Variants in LBP observed in about 807,000 individuals in gnomAD.
LBP encodes lipopolysaccharide binding protein, also known as lipopolysaccharide-binding protein.
A neutral mutation model predicts 56.6 loss-of-function variants in LBP; 53 were observed. The observed-to-expected ratio is 0.94, with a 90% CI of 0.75 to 1.18. The LOEUF is 1.18. LBP is among the 50% of genes most tolerant of loss of function. The probability of loss-of-function intolerance (pLI) is 0.00; values close to 1 mark genes in which losing one functional copy is unlikely to be tolerated. For synonymous variants in LBP, 227 were observed against 247.5 expected (o/e 0.92, Z 0.78); for missense variants, 601 against 598.3 (o/e 1.00, Z -0.05).
chr20:38,362,246 G>T (rs1369037429), intron 6 of LBP, among the ~76,000 whole-genome samples: 2 of 149,458 alleles, frequency 1.3e-5, no homozygotes, highest in African/African-American at 2.5e-5. Flanking sequence ...ATTTTTAGTA[G>T]AGACGGGGTT....
intron 12 of LBP, among the ~76,000 whole-genome samples, 166 bp downstream of exon 12, chr20:38,371,488 A>G (rs1434155724): frequency 6.6e-6 from 1 of 152,252 alleles, no homozygotes; most frequent in Non-Finnish European, 1.5e-5. Flanking sequence ...GGGCCAAGGA[A>G]CAGTTATATC....
intron 5 of LBP, among the ~76,000 whole-genome samples, chr20:38,355,855 C>T (rs1382378936): frequency 6.6e-6 from 1 of 152,002 alleles, no homozygotes; most frequent in Non-Finnish European, 1.5e-5. Flanking sequence ...GGCAGCAACA[C>T]TGTCAGACTG....
At chr20:38,350,737 G>A (rs2076817508) in intron 2 of LBP, 74 bp from the exon 3 acceptor site, 3 of 1,522,118 alleles carry the variant, frequency 2.0e-6, no homozygotes, top group African/African-American at 2.7e-5. Context: ...CTGTGGAGAG[G>A]GGAGGCGCAA....
At position 38,349,659 on chromosome 20, in the gene LBP, A is replaced by C; in HGVS notation, c.236A>C (p.His79Pro). 6.3e-7 allele frequency: 1 copy of C among 1,596,952 alleles called. No homozygotes were observed. Among genetic ancestry groups the C allele is most frequent in the South Asian group, 1.1e-5 (1 of 88,612 alleles). The change falls in exon 2 of 15, where the codon CAC becomes CCC. Residue 79 changes from histidine (H) to proline (P), a missense_variant. Coordinates refer to ENST00000217407, the MANE Select transcript of LBP (RefSeq NM_004139.5). ...GTCGGCCGTGGGCGCTATGAGTTCC[A>C]CAGGTGGGGCTCTCCCTTCTGCTGC... The part of the protein sequence containing the change: ...PHVGRGRYEF[H>P]SLNIHSCELL...
intron 7 of LBP, 138 bp downstream of exon 7, chr20:38,364,204 G>A (rs2076872416): frequency 9.3e-6 from 6 of 645,872 alleles, no homozygotes; most frequent in Non-Finnish European, 1.1e-5. Flanking sequence ...CGGGTGATAT[G>A]GAGTGGTGGG....
chr20:38,364,676 C>T lies in LBP; in HGVS notation c.845C>T (p.Ser282Leu), dbSNP rs867224254. Reference protein sequence around the residue: ...EHNKMVYFAISDYVFNTASLV... With the variant: ...EHNKMVYFAILDYVFNTASLV... ...AACAAAATGGTCTACTTTGCCATCT[C>T]GGATTATGTCTTCAACACGGCCAGC... Residue 282 changes from serine to leucine, a missense_variant, in exon 8 of 15, where the codon TCG becomes TTG. Transcript: ENST00000217407. The T allele has an allele frequency of 3.1e-6, 5 of 1,614,150 alleles. No individual in the cohort carries two copies. The highest frequency in any genetic ancestry group is 1.1e-5 in the South Asian group (1 of 91,076).
Position 38,362,608 on chromosome 20 carries a change from G to C in LBP, c.653-1367G>C, listed in dbSNP as rs1490054592. On this transcript the variant is annotated intron_variant, in intron 6 of 14. Coordinates refer to ENST00000217407, the MANE Select transcript of LBP (RefSeq NM_004139.5). ...AGCCTGGGCAACAGAACAAGACTCT[G>C]TCTCAACAAAGAAAAAAAATAATAA... Among the ~76,000 whole-genome samples the C allele has an allele frequency of 2.1e-5, 3 of 145,298 alleles. No individual in the cohort carries two copies. In the East Asian group the frequency reaches 6.4e-4, roughly 31 times the overall value.
intron 12 of LBP, among the ~76,000 whole-genome samples, chr20:38,371,760 T>C (rs2076901691): frequency 6.6e-6 from 1 of 152,172 alleles, no homozygotes; most frequent in African/African-American, 2.4e-5. Flanking sequence ...TCAGGCAGGC[T>C]CTTCCAATTG....
intron 8 of LBP, among the ~76,000 whole-genome samples, chr20:38,366,226 CCTT>C (rs1241394172): frequency 2.6e-5 from 4 of 151,918 alleles, no homozygotes; most frequent in African/African-American, 9.7e-5. Context: ...GTCATTTTGT[CCTT>C]CTGATGGCCT....
At chr20:38,350,219 C>T (rs370493077) in intron 2 of LBP, among the ~76,000 whole-genome samples, 4 of 152,234 alleles carry the variant, frequency 2.6e-5, no homozygotes, top group African/African-American at 9.6e-5. Flanking sequence ...TCCCTGCTCA[C>T]TGCTGTTGGG....
At position 38,373,990 on chromosome 20, in the gene LBP, G is replaced by A. The variant is rs757338505; in HGVS notation, c.1378G>A (p.Asp460Asn). The A allele has an allele frequency of 3.7e-6, 6 of 1,613,922 alleles. No homozygotes were observed. The highest frequency in any genetic ancestry group is 4.5e-5 in the East Asian group (2 of 44,886). Residue 460 changes from aspartate (D) to asparagine (N), a missense_variant, in exon 14 of 15, where the codon GAC (aspartate) becomes AAC (asparagine). Transcript: ENST00000217407. ...TCTGCTGAAGCGTGTTCAGCTCTAC[G>A]ACCTTGGGCTGCAGATCCATAAGGT... is the stretch of plus-strand genomic sequence containing the variant. ...LPLLKRVQLY[D>N]LGLQIHKDFL... is the part of the protein sequence containing the mutation.
At chr20:38,366,524 C>A (rs1200642413) in intron 8 of LBP, among the ~76,000 whole-genome samples, 1 of 152,188 alleles carries the variant, frequency 6.6e-6, no homozygotes, top group African/African-American at 2.4e-5. Context: ...TGACCGCAAA[C>A]CTCACCCTCG....
intron 10 of LBP, among the ~76,000 whole-genome samples, chr20:38,369,923 G>A (rs2076895511): frequency 6.6e-6 from 1 of 152,108 alleles, no homozygotes; most frequent in Non-Finnish European, 1.5e-5. Context: ...TGGGGGCCTT[G>A]CTCCCTGGAT....
chr20:38,374,367 G>A (rs1339058086), intron 14 of LBP, among the ~76,000 whole-genome samples: 1 of 152,128 alleles, frequency 6.6e-6, no homozygotes, highest in Non-Finnish European at 1.5e-5. Flanking sequence ...GGGAGGCTGG[G>A]GCGGGCAGAT....
chr20:38,374,617 A>G (rs1323494406), intron 14 of LBP, among the ~76,000 whole-genome samples: 1 of 151,464 alleles, frequency 6.6e-6, no homozygotes, highest in Non-Finnish European at 1.5e-5. Context: ...AAGAAAGAAA[A>G]AAAAAAGAAA....
At chr20:38,366,485 C>T (rs1481368939) in intron 8 of LBP, among the ~76,000 whole-genome samples, 1 of 152,162 alleles carries the variant, frequency 6.6e-6, no homozygotes, top group African/African-American at 2.4e-5. Context: ...CCTGAGATCA[C>T]AAAGTCAGGA....
chr20:38,364,482 C>A, intron 7 of LBP, 94 bp from the exon 8 acceptor site: 1 of 1,159,282 alleles, frequency 8.6e-7, no homozygotes, highest in East Asian at 2.3e-5. Flanking sequence ...GTGTTCCAGC[C>A]AGCGTCCCTT....
In LBP at chr20:38,346,520, G is replaced by C. The variant is rs771977545; in HGVS notation, c.4G>C (p.Gly2Arg). The C allele has an allele frequency of 3.1e-6, 5 of 1,613,580 alleles. No individual in the cohort carries two copies. The highest frequency in any genetic ancestry group is 4.2e-6 in the Non-Finnish European group (5 of 1,179,934). ...CCCACTGCACTGGGAATCTAGGATG[G>C]GGGCCTTGGCCAGAGCCCTGCCGTC... M[G>R]ALARALPSIL... Residue 2 changes from glycine to arginine, a missense_variant, in exon 1 of 15, where the codon GGG becomes CGG. Coordinates refer to ENST00000217407, the MANE Select transcript of LBP (RefSeq NM_004139.5).
chr20:38,346,598 C>T lies in LBP; in HGVS notation c.82C>T (p.Pro28Ser). The T allele has an allele frequency of 6.2e-7, 1 of 1,613,724 alleles. No homozygotes were observed. The highest frequency in any genetic ancestry group is 8.5e-7 in the Non-Finnish European group (1 of 1,180,016). The part of the protein sequence containing the change: ...TSTPEALGAN[P>S]GLVARITDKG... ...CACCCCAGAGGCTCTGGGTGCCAAC[C>T]CCGGCTTGGTCGCCAGGATCACCGA... Residue 28 changes from proline to serine, a missense_variant, in exon 1 of 15, where the codon CCC becomes TCC. Pro to Ser is a moderately conservative substitution (Grantham distance 74). Transcript: ENST00000217407.
Sources: allele counts gnomAD v4.1 joint callset (sites outside exome capture counted in the v4.1 genomes callset), GRCh38; gene constraint gnomAD v4.1.1; transcripts MANE v1.5; gene names NCBI Gene and HGNC (gene_info 2026-07-23, HGNC 2026-07-21).